The following N4BP2L2 variants were observed in gnomAD, a reference collection of about 807,000 sequenced individuals.
N4BP2L2 encodes NEDD4-binding protein 2-like 2.
A neutral mutation model predicts 56.2 loss-of-function variants in N4BP2L2; 50 were observed. That is an observed-to-expected ratio of 0.89 (90% CI 0.71 to 1.13). N4BP2L2 has a LOEUF of 1.13. N4BP2L2 is among the 50% of genes most tolerant of loss of function. The pLI is 0.00. For missense variants in N4BP2L2, 689 were observed against 693.8 expected (o/e 0.99, Z 0.08); for synonymous variants, 203 against 223.6 (o/e 0.91, Z 0.82).
intron 1 of N4BP2L2, among the ~76,000 whole-genome samples, 187 bp from the exon 2 acceptor site, chr13:32,537,214 T>C (rs2056768736): frequency 6.6e-6 from 1 of 151,982 alleles, no homozygotes; most frequent in African/African-American, 2.4e-5. Context: ...CATGGTGGTT[T>C]ATGGGAGGGA....
intron 6 of N4BP2L2, among the ~76,000 whole-genome samples, chr13:32,500,280 T>C (rs1393340156): frequency 6.6e-6 from 1 of 152,202 alleles, no homozygotes; most frequent in Non-Finnish European, 1.5e-5. Flanking sequence ...ATTTAACTAT[T>C]GATGAGCTGC....
chr13:32,488,424 G>T (rs1465472609), intron 6 of N4BP2L2, among the ~76,000 whole-genome samples: 1 of 152,088 alleles, frequency 6.6e-6, no homozygotes, highest in African/African-American at 2.4e-5. Flanking sequence ...GAGGGATGAG[G>T]ATGCATAGTG....
At chr13:32,475,836 C>T (rs773829229) in intron 6 of N4BP2L2, among the ~76,000 whole-genome samples, 2 of 151,980 alleles carry the variant, frequency 1.3e-5, no homozygotes, top group Non-Finnish European at 2.9e-5. Flanking sequence ...ACATATACTA[C>T]AATGAAAATA....
chr13:32,484,378 T>C (rs2085421882), intron 6 of N4BP2L2, among the ~76,000 whole-genome samples: 4 of 152,198 alleles, frequency 2.6e-5, no homozygotes, highest in Admixed American at 2.0e-4. Flanking sequence ...CAGTATCATG[T>C]GCTATTAGTT....
At chr13:32,436,700 G>A (rs2075520384) in intron 8 of N4BP2L2, among the ~76,000 whole-genome samples, 1 of 136,044 alleles carries the variant, frequency 7.4e-6, no homozygotes, top group South Asian at 2.5e-4. Flanking sequence ...TGAGGCAGGA[G>A]AATCACCTGA....
chr13:32,488,182 G>A (rs770583975), intron 6 of N4BP2L2, among the ~76,000 whole-genome samples: 1 of 152,122 alleles, frequency 6.6e-6, no homozygotes, highest in Non-Finnish European at 1.5e-5. Context: ...CGTTAGGTTG[G>A]ATTCAGAAAA....
chr13:32,466,040 C>G (rs2037956483), intron 6 of N4BP2L2, among the ~76,000 whole-genome samples: 1 of 152,168 alleles, frequency 6.6e-6, no homozygotes, highest in African/African-American at 2.4e-5. Context: ...TTATGGCCCT[C>G]TAATTGGTCA....
exon 7 of N4BP2L2, chr13:32,442,473 A>G: frequency 3.1e-6 from 5 of 1,613,498 alleles, no homozygotes; most frequent in Non-Finnish European, 4.2e-6. Flanking sequence ...AACGGTAGTC[A>G]GTGCTTGTTA....
chr13:32,464,748 T>C (rs1341604945), intron 6 of N4BP2L2, among the ~76,000 whole-genome samples: 1 of 151,386 alleles, frequency 6.6e-6, no homozygotes, highest in East Asian at 1.9e-4. Flanking sequence ...CATCAAGAAA[T>C]CCTACAAATC....
At chr13:32,437,752 G>A (rs1445627534) in intron 8 of N4BP2L2, among the ~76,000 whole-genome samples, 1 of 152,182 alleles carries the variant, frequency 6.6e-6, no homozygotes. Flanking sequence ...GAGAAAAGAT[G>A]TAATGAAGAA....
chr13:32,462,861 TAAAAAAAA>T (rs569068082), intron 6 of N4BP2L2, among the ~76,000 whole-genome samples: 5 of 51,112 alleles, frequency 9.8e-5, no homozygotes, highest in South Asian at 2.7e-3. Flanking sequence ...CTGTCTTTAC[TAAAAAAAA>T]AAAAAAAAAA....
chr13:32,438,603 C>T (rs917942657), intron 8 of N4BP2L2: 3 of 1,318,008 alleles, frequency 2.3e-6, no homozygotes, highest in Non-Finnish European at 3.1e-6. Context: ...CCGTCTCAAA[C>T]AACAACAACA....
exon 7 of N4BP2L2, chr13:32,443,618 A>G (rs754779644): frequency 3.7e-5 from 59 of 1,611,574 alleles, no homozygotes; most frequent in Non-Finnish European, 4.8e-5. Flanking sequence ...TGGGTGTCTA[A>G]TGCTATGGTA....
exon 7 of N4BP2L2, chr13:32,443,666 A>G: frequency 6.2e-7 from 1 of 1,611,016 alleles, no homozygotes; most frequent in Non-Finnish European, 8.5e-7. Flanking sequence ...TTCATGCCAG[A>G]GCAGTCATCA....
intron 7 of N4BP2L2, among the ~76,000 whole-genome samples, chr13:32,441,334 T>G (rs1177255461): frequency 1.3e-5 from 2 of 152,176 alleles, no homozygotes; most frequent in Non-Finnish European, 2.9e-5. Flanking sequence ...TTGGGAGCTA[T>G]AATAGTGAAT....
At chr13:32,457,673 C>T (rs2079197288) in intron 6 of N4BP2L2, among the ~76,000 whole-genome samples, 1 of 152,098 alleles carries the variant, frequency 6.6e-6, no homozygotes, top group Admixed American at 6.6e-5. Context: ...CTCAGAAAAG[C>T]AAAAACTGAG....
chr13:32,519,418 G>A (rs2139973712), intron 5 of N4BP2L2, among the ~76,000 whole-genome samples: 1 of 152,118 alleles, frequency 6.6e-6, no homozygotes, highest in East Asian at 1.9e-4. Context: ...ACTTTTGGGA[G>A]GCCAAGGTGG....
chr13:32,442,614 T>C (rs960064966), exon 7 of N4BP2L2: 1 of 1,613,890 alleles, frequency 6.2e-7, no homozygotes, highest in African/African-American at 1.3e-5. Flanking sequence ...GATGACTATG[T>C]AAAATTTCTG....
At chr13:32,482,626 A>G (rs1022806998) in intron 6 of N4BP2L2, among the ~76,000 whole-genome samples, 4 of 151,838 alleles carry the variant, frequency 2.6e-5, no homozygotes, top group African/African-American at 4.8e-5. Context: ...TCAGCCTCCC[A>G]AAGTGCTGGG....
Sources: gnomAD v4.1 joint callset for allele counts (sites outside exome capture counted in the v4.1 genomes callset) on GRCh38, gnomAD v4.1.1 for gene constraint, MANE v1.5 for transcripts, NCBI Gene and HGNC (gene_info 2026-07-23, HGNC 2026-07-21) for gene names.